Variants in ARHGAP39 observed in about 807,000 individuals in gnomAD.
ARHGAP39 encodes the protein rho GTPase-activating protein 39.
In ARHGAP39, 44 loss-of-function variants were observed where a neutral mutation model predicts 106.9. The observed-to-expected ratio is 0.41, with a 90% CI of 0.32 to 0.53. The LOEUF is 0.53. Ranked by LOEUF, ARHGAP39 falls within the 20% of genes least tolerant of loss-of-function variation. The pLI, the probability that ARHGAP39 is intolerant of heterozygous loss-of-function variation, is 0.21. For synonymous variants in ARHGAP39, 768 were observed against 693.2 expected (o/e 1.11, Z -1.69); for missense variants, 1,496 against 1,577.3 (o/e 0.95, Z 0.87).
chr8:144,605,423 G>T, intron 2 of ARHGAP39, 112 bp downstream of exon 2: 1 of 1,168,442 alleles, frequency 8.6e-7, no homozygotes, highest in Non-Finnish European at 1.2e-6. Flanking sequence ...AGCCAGCGAC[G>T]AATCCATTCT....
intron 1 of ARHGAP39, among the ~76,000 whole-genome samples, chr8:144,632,010 T>C (rs1031338972): frequency 6.6e-6 from 1 of 152,184 alleles, no homozygotes; most frequent in Non-Finnish European, 1.5e-5. Context: ...CAACGTGCAC[T>C]GGTTCTCACC....
intron 2 of ARHGAP39, among the ~76,000 whole-genome samples, chr8:144,598,575 A>C (rs1171892183): frequency 6.6e-6 from 1 of 152,224 alleles, no homozygotes; most frequent in African/African-American, 2.4e-5. Flanking sequence ...GCCTCTAACA[A>C]ATGGCACGGG....
the ARHGAP39 span, chr8:144,698,785 C>A: frequency 2.2e-6 from 1 of 454,898 alleles, no homozygotes; most frequent in Admixed American, 2.4e-5. Flanking sequence ...TGGGTCAGGG[C>A]ATCTCCTTGT....
Position 144,547,091 on chromosome 8 carries a change from GGCTC to G in ARHGAP39, c.1959+32_1959+35del. On this transcript the variant is annotated intron_variant, in intron 5 of 11. Transcript: ENST00000377307. This position sits in a 1 kb window ranked among gnomAD's most constrained non-coding sequence, Gnocchi z 5.2. ...GTCCACTCTGACTGGGCTGGCCCCA[GGCTC>G]TCAAGCTCAGCCGCGCCCATTGGGC... 2 of 1,524,326 alleles carry G rather than the reference GGCTC, an allele frequency of 1.3e-6. No homozygotes were observed. The highest frequency in any genetic ancestry group is 2.6e-5 in the South Asian group (2 of 75,854). The allele number at this position is 1,524,326 out of a possible 1,614,324, so 94.4% of individuals were successfully genotyped here.
intron 1 of ARHGAP39, among the ~76,000 whole-genome samples, chr8:144,619,613 C>T (rs539715100): frequency 1.4e-3 from 203 of 142,876 alleles, no homozygotes; most frequent in Non-Finnish European, 2.4e-3. Context: ...CGTGCATGTC[C>T]GTGTGTGAGC....
At chr8:144,688,983 T>G (rs1407701627), upstream of ARHGAP39, among the ~76,000 whole-genome samples, 1 of 152,178 alleles carries the variant, frequency 6.6e-6, no homozygotes, top group Non-Finnish European at 1.5e-5. Flanking sequence ...TAAGGTCTGC[T>G]CCTGAGCCGG....
chr8:144,672,520 G>C (rs2976631), intron 1 of ARHGAP39, among the ~76,000 whole-genome samples: 4,224 of 152,236 alleles, frequency 0.028, 254 homozygotes, highest in East Asian at 0.24. Flanking sequence ...GGCCAGACAA[G>C]GGGTTCTGGA....
At chr8:144,659,328 C>T (rs753148431) in intron 1 of ARHGAP39, among the ~76,000 whole-genome samples, 3 of 152,210 alleles carry the variant, frequency 2.0e-5, no homozygotes, top group African/African-American at 4.8e-5. Flanking sequence ...ACTCCCAACA[C>T]GTGCTGGGAA....
intron 1 of ARHGAP39, among the ~76,000 whole-genome samples, chr8:144,619,519 CGT>C (rs1397397246): frequency 1.5e-4 from 22 of 151,364 alleles, no homozygotes; most frequent in Admixed American, 5.9e-4. Context: ...CCTGAGAAAG[CGT>C]GTGTGCCTGT....
At chr8:144,562,939 G>T (rs1453173101) in intron 3 of ARHGAP39, among the ~76,000 whole-genome samples, 2 of 152,264 alleles carry the variant, frequency 1.3e-5, no homozygotes, top group African/African-American at 2.4e-5. Context: ...GACGTTACTG[G>T]TACTGCTATG....
At chr8:144,576,048 A>G (rs1476207659) in intron 3 of ARHGAP39, among the ~76,000 whole-genome samples, 4 of 152,100 alleles carry the variant, frequency 2.6e-5, no homozygotes, top group African/African-American at 9.7e-5. Context: ...ATCCCAACAG[A>G]GTGGCCGGGC....
the ARHGAP39 span, among the ~76,000 whole-genome samples, chr8:144,696,592 C>T: frequency 1.3e-5 from 2 of 152,180 alleles, no homozygotes; most frequent in Admixed American, 6.5e-5. Flanking sequence ...CTATCTTGCA[C>T]ATATGATGTC....
intron 1 of ARHGAP39, among the ~76,000 whole-genome samples, chr8:144,618,127 G>A (rs896988010): frequency 1.3e-5 from 2 of 152,134 alleles, no homozygotes; most frequent in African/African-American, 2.4e-5. Context: ...TTTTTATTAG[G>A]TGGTTACTGT....
intron 3 of ARHGAP39, among the ~76,000 whole-genome samples, chr8:144,575,651 A>G (rs1300613036): frequency 6.6e-6 from 1 of 151,866 alleles, no homozygotes; most frequent in African/African-American, 2.4e-5. Flanking sequence ...AGAAGGACCC[A>G]CCTGAGGGTG....
chr8:144,650,323 C>G (rs1470915219), intron 1 of ARHGAP39, among the ~76,000 whole-genome samples: 3 of 152,072 alleles, frequency 2.0e-5, no homozygotes, highest in Non-Finnish European at 4.4e-5. Context: ...ACCCGATGTA[C>G]AAAGAAGAGC....
At chr8:144,606,263 T>A (rs886787522) in intron 1 of ARHGAP39, among the ~76,000 whole-genome samples, 1 of 152,202 alleles carries the variant, frequency 6.6e-6, no homozygotes, top group African/African-American at 2.4e-5. Context: ...CAGTCCATCC[T>A]TGAAAAACAC....
intron 1 of ARHGAP39, among the ~76,000 whole-genome samples, chr8:144,623,042 T>C (rs1820844438): frequency 6.6e-6 from 1 of 152,244 alleles, no homozygotes; most frequent in African/African-American, 2.4e-5. Flanking sequence ...ATATGCTGCA[T>C]GCAGGCTGCA....
Position 144,538,122 on chromosome 8 carries a change from G to A in ARHGAP39, c.2522-309C>T, listed in dbSNP as rs910112120. 4.6e-5 allele frequency among the ~76,000 whole-genome samples: 7 copies of A among 152,234 alleles called. No individual in the cohort carries two copies. The South Asian group carries it at 1.4e-3, about 32-fold the overall frequency. ...GCGCCTGGGGAGCAGGAGGAGAGCA[G>A]GCAGCTTCTGCCCTCTGGCTGGCAG... On this transcript the variant is annotated intron_variant, in intron 6 of 11. Transcript: ENST00000377307.
At chr8:144,606,223 CCAA>C (rs779255787) in intron 1 of ARHGAP39, among the ~76,000 whole-genome samples, 9 of 152,226 alleles carry the variant, frequency 5.9e-5, no homozygotes, top group Non-Finnish European at 1.2e-4. Flanking sequence ...CACCTGACTT[CCAA>C]CAACAATGCT....
Sources: allele counts gnomAD v4.1 joint callset (sites outside exome capture counted in the v4.1 genomes callset), GRCh38; gene constraint gnomAD v4.1.1; non-coding constraint Gnocchi (gnomAD v3.1); transcripts MANE v1.5; gene names NCBI Gene and HGNC (gene_info 2026-07-23, HGNC 2026-07-21).